The following CHLSN variants were observed in gnomAD, a reference collection of about 807,000 sequenced individuals.
CHLSN encodes protein cholesin.
At chr7:1,013,578 C>T in the CHLSN span, among the ~76,000 whole-genome samples, 6 of 152,232 alleles carry the variant, frequency 3.9e-5, no homozygotes, top group African/African-American at 1.2e-4. Flanking sequence ...CAGTCTGGGG[C>T]CACTCTTCTG....
At chr7:1,080,761 T>C in the CHLSN span, 1 of 152,386 alleles carries the variant, frequency 6.6e-6, no homozygotes, top group Non-Finnish European at 1.5e-5. Flanking sequence ...CCAGCAGCAA[T>C]GACCTCATCC....
the CHLSN span, among the ~76,000 whole-genome samples, chr7:1,059,957 TCTTAGGCGGGC>T: frequency 1.8e-4 from 12 of 65,306 alleles, no homozygotes; most frequent in African/African-American, 6.9e-4. Context: ...ATGAGGCGGG[TCTTAGGCGGGC>T]CCGTAGTGGG....
At chr7:984,596 C>A in the CHLSN span, 5 of 1,553,398 alleles carry the variant, frequency 3.2e-6, no homozygotes, top group Non-Finnish European at 4.3e-6. Context: ...GCCGGCGCTA[C>A]GGGGCCTACT....
chr7:1,002,984 TGGAGTCCTGTGGGTGG>T, the CHLSN span, among the ~76,000 whole-genome samples: 1 of 32,536 alleles, frequency 3.1e-5, no homozygotes. Context: ...TGTGGGTGAG[TGGAGTCCTGTGGGTGG>T]GGAGTCCTGT....
the CHLSN span, chr7:987,480 GC>G: frequency 3.9e-6 from 6 of 1,557,500 alleles, no homozygotes; most frequent in Non-Finnish European, 4.3e-6. Flanking sequence ...TGCCGCACGT[GC>G]CCCGCTGCAC....
the CHLSN span, among the ~76,000 whole-genome samples, chr7:1,075,161 C>CGGG: frequency 6.6e-6 from 1 of 152,122 alleles, no homozygotes; most frequent in South Asian, 2.1e-4. Flanking sequence ...GGACCAAACA[C>CGGG]GGGAGGGGTG....
chr7:1,084,443 A>G, the CHLSN span, among the ~76,000 whole-genome samples: 1 of 152,234 alleles, frequency 6.6e-6, no homozygotes, highest in South Asian at 2.1e-4. Context: ...CCTTCTGCAC[A>G]CAGCTTGATG....
the CHLSN span, among the ~76,000 whole-genome samples, chr7:1,014,048 ATTTCAC>A: frequency 1.1e-4 from 16 of 152,210 alleles, no homozygotes. Flanking sequence ...TACGCTGTGT[ATTTCAC>A]AACATGGACA....
At chr7:1,008,998 C>G in the CHLSN span, among the ~76,000 whole-genome samples, 1 of 47,204 alleles carries the variant, frequency 2.1e-5, no homozygotes, top group Non-Finnish European at 4.3e-5. Context: ...AACACACATA[C>G]ACGCACACAC....
the CHLSN span, among the ~76,000 whole-genome samples, chr7:1,009,051 ACACGTG>A: frequency 1.3e-5 from 2 of 148,554 alleles, no homozygotes; most frequent in East Asian, 2.0e-4. Context: ...GCACACACGT[ACACGTG>A]CACGTGCACG....
the CHLSN span, among the ~76,000 whole-genome samples, chr7:1,041,660 C>A: frequency 6.6e-6 from 1 of 152,228 alleles, no homozygotes; most frequent in African/African-American, 2.4e-5. Flanking sequence ...GCCATACTCA[C>A]AAGAACTAGG....
At chr7:1,076,779 G>T in the CHLSN span, among the ~76,000 whole-genome samples, 1 of 152,270 alleles carries the variant, frequency 6.6e-6, no homozygotes, top group South Asian at 2.1e-4. Flanking sequence ...TCTCGGGAAA[G>T]CCGGGGGAGG....
chr7:1,136,473 A>AACATATATATGAAC, the CHLSN span, among the ~76,000 whole-genome samples: 1 of 109,724 alleles, frequency 9.1e-6, no homozygotes, highest in African/African-American at 4.6e-5. Flanking sequence ...AACATATATA[A>AACATATATATGAAC]ATATATAAAC....
chr7:985,132 G>A, the CHLSN span: 2 of 1,601,938 alleles, frequency 1.2e-6, no homozygotes, highest in African/African-American at 1.3e-5. Context: ...CCCTCCCCGG[G>A]CCTGGACGTG....
the CHLSN span, chr7:1,058,287 G>A: frequency 2.6e-6 from 2 of 773,814 alleles, no homozygotes; most frequent in African/African-American, 3.4e-5. Context: ...GGGGCACACG[G>A]TCATCATCTC....
At chr7:1,137,359 G>A in the CHLSN span, 2 of 152,508 alleles carry the variant, frequency 1.3e-5, no homozygotes, top group Non-Finnish European at 2.9e-5. Context: ...CTCCCCTCCA[G>A]AATGGAAGTT....
At chr7:1,010,151 T>C in the CHLSN span, 1 of 1,605,700 alleles carries the variant, frequency 6.2e-7, no homozygotes, top group Non-Finnish European at 8.5e-7. Flanking sequence ...GCCCTGAAAG[T>C]CAAGGAACAC....
chr7:1,027,625 A>T, the CHLSN span, among the ~76,000 whole-genome samples: 1 of 152,218 alleles, frequency 6.6e-6, no homozygotes, highest in African/African-American at 2.4e-5. Flanking sequence ...AGCTATCCCA[A>T]TTGTTTTCAT....
the CHLSN span, chr7:997,903 G>A: frequency 1.7e-6 from 2 of 1,169,034 alleles, no homozygotes; most frequent in Non-Finnish European, 2.5e-6. Context: ...CCGGGCCTCA[G>A]GCTTCCGTCC....
Sources: allele counts gnomAD v4.1 joint callset (sites outside exome capture counted in the v4.1 genomes callset), GRCh38; gene constraint gnomAD v4.1.1; transcripts MANE v1.5; gene names NCBI Gene and HGNC (gene_info 2026-07-23, HGNC 2026-07-21).